The following SLIT2 variants were observed in gnomAD, a reference collection of about 807,000 sequenced individuals.
SLIT2 encodes slit guidance ligand 2, also known as slit homolog 2 protein.
SLIT2 carries 41 observed loss-of-function variants against 185.7 expected under a neutral mutation model. That is an observed-to-expected ratio of 0.22 (90% CI 0.17 to 0.29). The LOEUF is 0.29. Among genes scored for constraint, SLIT2 ranks in the 10% least tolerant of loss-of-function variants. The pLI is 1.00. For synonymous variants in SLIT2, 693 were observed against 680.2 expected (o/e 1.02, Z -0.29); for missense variants, 1,571 against 1,909.0 (o/e 0.82, Z 3.30).
At chr4:20,401,125 A>C (rs937221523) in intron 4 of SLIT2, among the ~76,000 whole-genome samples, 1 of 151,830 alleles carries the variant, frequency 6.6e-6, no homozygotes, top group African/African-American at 2.4e-5. Context: ...TCATCTTCTG[A>C]CTAAGGATAG....
At chr4:20,357,930 AT>A (rs1722458824) in intron 4 of SLIT2, among the ~76,000 whole-genome samples, 1 of 152,092 alleles carries the variant, frequency 6.6e-6, no homozygotes, top group Non-Finnish European at 1.5e-5. Context: ...ATTCAAGTTT[AT>A]TTTAATACTT....
intron 4 of SLIT2, among the ~76,000 whole-genome samples, chr4:20,414,230 A>G (rs1727482432): frequency 1.3e-5 from 2 of 152,098 alleles, no homozygotes; most frequent in East Asian, 1.9e-4. Context: ...TTAAATACCA[A>G]CTTGATTTCA....
chr4:20,389,116 A>G (rs563533033), intron 4 of SLIT2, among the ~76,000 whole-genome samples: 10 of 150,950 alleles, frequency 6.6e-5, no homozygotes, highest in African/African-American at 1.7e-4. Flanking sequence ...GGTAGACATT[A>G]CTATTTATTT....
intron 30 of SLIT2, among the ~76,000 whole-genome samples, chr4:20,592,189 C>T (rs929742482): frequency 6.6e-6 from 1 of 152,158 alleles, no homozygotes; most frequent in Admixed American, 6.5e-5. Flanking sequence ...TATGCTACTT[C>T]AACTTCATTT....
intron 3 of SLIT2, among the ~76,000 whole-genome samples, chr4:20,262,819 A>G (rs1712625202): frequency 6.6e-6 from 1 of 151,930 alleles, no homozygotes; most frequent in Admixed American, 6.6e-5. Context: ...GTGCGCTGTT[A>G]CAAGTTTAGC....
intron 4 of SLIT2, among the ~76,000 whole-genome samples, chr4:20,463,805 G>T (rs1361556308): frequency 6.6e-6 from 1 of 150,710 alleles, no homozygotes; most frequent in Non-Finnish European, 1.5e-5. Flanking sequence ...GAACCCAGGA[G>T]GTGGAGCTTG....
intron 4 of SLIT2, among the ~76,000 whole-genome samples, chr4:20,444,124 G>T (rs891830395): frequency 4.6e-5 from 7 of 152,098 alleles, no homozygotes; most frequent in Non-Finnish European, 8.8e-5. Context: ...AAGAAGGAAA[G>T]GCTCCTTCCT....
At chr4:20,617,287 C>T (rs1022313942) in intron 35 of SLIT2, 89 bp downstream of exon 35, 47 of 414,720 alleles carry the variant, frequency 1.1e-4, no homozygotes, top group Non-Finnish European at 1.8e-4. Context: ...GGGGAGGGGA[C>T]GGGAAGGGAG....
At chr4:20,309,505 T>C (rs1717881734) in intron 4 of SLIT2, among the ~76,000 whole-genome samples, 1 of 151,972 alleles carries the variant, frequency 6.6e-6, no homozygotes, top group Admixed American at 6.6e-5. Flanking sequence ...TGTCTTCAAA[T>C]ATGCTTAAAA....
intron 4 of SLIT2, among the ~76,000 whole-genome samples, chr4:20,302,457 A>T (rs913069029): frequency 6.6e-6 from 1 of 152,164 alleles, no homozygotes; most frequent in Non-Finnish European, 1.5e-5. Flanking sequence ...TAAATAAATC[A>T]TAATGTCTAT....
chr4:20,269,666 G>A (rs1560270116), intron 4 of SLIT2, among the ~76,000 whole-genome samples: 1 of 151,930 alleles, frequency 6.6e-6, no homozygotes, highest in African/African-American at 2.4e-5. Flanking sequence ...GTATATGCAT[G>A]TTGTGAAAAA....
intron 4 of SLIT2, among the ~76,000 whole-genome samples, chr4:20,456,306 T>G (rs939255510): frequency 1.4e-4 from 21 of 152,128 alleles, no homozygotes; most frequent in Non-Finnish European, 3.1e-4. Context: ...AAACACTATT[T>G]TCTTAGCCCT....
intron 4 of SLIT2, among the ~76,000 whole-genome samples, chr4:20,450,864 C>T (rs1038417460): frequency 6.6e-6 from 1 of 152,092 alleles, no homozygotes; most frequent in Non-Finnish European, 1.5e-5. Context: ...AAGATCTAGT[C>T]GGTCCCAGCA....
intron 4 of SLIT2, among the ~76,000 whole-genome samples, chr4:20,398,609 C>G (rs560048345): frequency 1.3e-5 from 2 of 151,768 alleles, no homozygotes; most frequent in South Asian, 4.1e-4. Flanking sequence ...CGCTAGCTGC[C>G]AGACAACATG....
At chr4:20,604,900 A>G (rs899773158) in intron 33 of SLIT2, among the ~76,000 whole-genome samples, 1 of 151,440 alleles carries the variant, frequency 6.6e-6, no homozygotes, top group Non-Finnish European at 1.5e-5. Flanking sequence ...CAGTGGCACA[A>G]TCTCGCCTCA....
intron 9 of SLIT2, among the ~76,000 whole-genome samples, chr4:20,502,414 A>G (rs1718824245): frequency 6.6e-6 from 1 of 152,212 alleles, no homozygotes; most frequent in Admixed American, 6.5e-5. Context: ...CTTGCTCTGC[A>G]TCAGGCATTA....
intron 21 of SLIT2, among the ~76,000 whole-genome samples, chr4:20,544,241 G>A (rs1723065649): frequency 1.3e-5 from 2 of 152,212 alleles, no homozygotes; most frequent in Admixed American, 1.3e-4. Context: ...TGTGTCCAAA[G>A]CATTAATTTT....
intron 4 of SLIT2, among the ~76,000 whole-genome samples, chr4:20,364,493 C>T (rs1270278104): frequency 6.6e-6 from 1 of 152,068 alleles, no homozygotes; most frequent in African/African-American, 2.4e-5. Context: ...TAACCATACT[C>T]TAATAGTTTG....
intron 4 of SLIT2, among the ~76,000 whole-genome samples, chr4:20,441,842 A>G (rs932670848): frequency 6.6e-6 from 1 of 152,132 alleles, no homozygotes; most frequent in Admixed American, 6.5e-5. Flanking sequence ...TTCTCACTCT[A>G]TGAGGTCTAT....
Sources: allele counts gnomAD v4.1 joint callset (sites outside exome capture counted in the v4.1 genomes callset), GRCh38; gene constraint gnomAD v4.1.1; transcripts MANE v1.5; gene names NCBI Gene and HGNC (gene_info 2026-07-23, HGNC 2026-07-21).